NME7: variants seen among roughly 807,000 people sequenced by gnomAD.
NME7 encodes NME/NM23 family member 7.
Under a neutral mutation model 49.1 loss-of-function variants are expected in NME7, and 41 were observed. That is an observed-to-expected ratio of 0.83 (90% CI 0.65 to 1.08). NME7 has a LOEUF of 1.08. NME7 is among the 50% of genes least tolerant of loss of function. The pLI is 0.00. For synonymous variants in NME7, 139 were observed against 150.6 expected (o/e 0.92, Z 0.56); for missense variants, 423 against 463.4 (o/e 0.91, Z 0.80).
chr1:169,227,953 T>C (rs544601399), intron 10 of NME7, among the ~76,000 whole-genome samples: 1 of 152,076 alleles, frequency 6.6e-6, no homozygotes, highest in Non-Finnish European at 1.5e-5. Flanking sequence ...GGCTAAGATC[T>C]TTGAGGCTTA....
intron 1 of NME7, 101 bp downstream of exon 1, chr1:169,367,607 C>T (rs2101998807): frequency 7.5e-7 from 1 of 1,327,842 alleles, no homozygotes; most frequent in East Asian, 2.3e-5. Flanking sequence ...GGGAGAAGGT[C>T]GGGAGGACCG....
At chr1:169,341,916 T>TG (rs1460640175) in intron 1 of NME7, among the ~76,000 whole-genome samples, 1 of 152,196 alleles carries the variant, frequency 6.6e-6, no homozygotes, top group Non-Finnish European at 1.5e-5. Context: ...CTAACTAACT[T>TG]GCTTTTGATT....
At chr1:169,146,035 A>G (rs1658738033) in intron 11 of NME7, among the ~76,000 whole-genome samples, 1 of 152,208 alleles carries the variant, frequency 6.6e-6, no homozygotes, top group Admixed American at 6.5e-5. Context: ...CTGTAACCAT[A>G]ATAGTGAAGA....
intron 1 of NME7, among the ~76,000 whole-genome samples, chr1:169,336,635 G>A (rs1473477979): frequency 1.3e-5 from 2 of 151,164 alleles, no homozygotes; most frequent in African/African-American, 4.9e-5. Flanking sequence ...TACAAACCTT[G>A]AGCTAGATAC....
At chr1:169,321,379 T>C (rs1295985828) in intron 3 of NME7, among the ~76,000 whole-genome samples, 3 of 152,136 alleles carry the variant, frequency 2.0e-5, no homozygotes, top group Non-Finnish European at 4.4e-5. Context: ...AATAATTAAA[T>C]AAAATAAAGT....
chr1:169,169,396 A>G lies in NME7; in HGVS notation c.1098+51T>C, dbSNP rs757525352. ...TTTCTTACACATCAGAACTCCTGAG[A>G]TAATTTATGAGCTTGAAATATAAAT... On this transcript the variant is annotated intron_variant, in intron 11 of 11. Coordinates refer to ENST00000367811, the MANE Select transcript of NME7 (RefSeq NM_013330.5). 2.7e-6 allele frequency: 4 copies of G among 1,501,268 alleles called. No individual in the cohort carries two copies. The South Asian group carries it at 3.5e-5, about 13-fold the overall frequency. The allele number at this position is 1,501,268 out of a possible 1,614,324, so 93.0% of individuals were successfully genotyped here.
chr1:169,281,896 G>T (rs894372279), intron 7 of NME7, among the ~76,000 whole-genome samples: 1 of 152,154 alleles, frequency 6.6e-6, no homozygotes, highest in African/African-American at 2.4e-5. Flanking sequence ...CAGGGATATT[G>T]GCCTGAAATT....
intron 7 of NME7, among the ~76,000 whole-genome samples, chr1:169,251,921 T>C (rs1241573179): frequency 2.7e-5 from 4 of 150,448 alleles, no homozygotes; most frequent in Non-Finnish European, 6.0e-5. Flanking sequence ...TAGTATTCCA[T>C]GGTGTATATG....
Position 169,158,617 on chromosome 1 carries a change from A to C in NME7, c.1098+10830T>G, listed in dbSNP as rs1659151914. ...CTCTAGGCTTACATAGTTAAAAAAAACTCTATAGGTGATTTTAATGCATGC... is the reference window on the plus strand; with the variant it reads ...CTCTAGGCTTACATAGTTAAAAAAACCTCTATAGGTGATTTTAATGCATGC... On this transcript the variant is annotated intron_variant, in intron 11 of 11. Transcript: ENST00000367811. Among the ~76,000 whole-genome samples, 3 of 151,950 alleles carry C rather than the reference A, an allele frequency of 2.0e-5. No individual in the cohort carries two copies. In the South Asian group the frequency reaches 6.3e-4, roughly 32 times the overall value.
At chr1:169,232,158 T>C (rs1246569305) in intron 9 of NME7, among the ~76,000 whole-genome samples, 1 of 152,100 alleles carries the variant, frequency 6.6e-6, no homozygotes, top group African/African-American at 2.4e-5. Context: ...CGTCTAGAGA[T>C]ATAATCTAAG....
chr1:169,294,122 C>T (rs1650619369), intron 6 of NME7, among the ~76,000 whole-genome samples: 1 of 152,098 alleles, frequency 6.6e-6, no homozygotes. Flanking sequence ...TCATTAAATA[C>T]TATGTTCTAG....
intron 1 of NME7, among the ~76,000 whole-genome samples, chr1:169,358,125 C>G (rs190239042): frequency 1.3e-5 from 2 of 152,076 alleles, no homozygotes; most frequent in East Asian, 3.9e-4. Flanking sequence ...AATTGCATAA[C>G]ACCATTAACC....
In NME7 at chr1:169,287,368, G is replaced by A. The variant is rs759709180; in HGVS notation, c.689C>T (p.Pro230Leu). The part of the protein sequence containing the change: ...LFFPSSGGCG[P>L]ANTAKFTNCT... Reference sequence around the variant, plus strand: ...ATTAGTAAATTTAGCAGTGTTTGCCGGCCCACAACCTCCACTTGAAGGAAA... The same window carrying A: ...ATTAGTAAATTTAGCAGTGTTTGCCAGCCCACAACCTCCACTTGAAGGAAA... Residue 230 changes from proline (P) to leucine (L), a missense_variant, in exon 7 of 12, where the codon CCG becomes CTG. Physicochemically the swap from Pro to Leu is moderately conservative, Grantham distance 98. Transcript: ENST00000367811. The A allele has an allele frequency of 1.1e-4, 181 of 1,605,604 alleles. No homozygotes were observed. Among genetic ancestry groups the A allele is most frequent in the Non-Finnish European group, 1.4e-4 (161 of 1,176,726 alleles).
At chr1:169,309,403 A>G (rs1651297953) in intron 4 of NME7, among the ~76,000 whole-genome samples, 1 of 152,182 alleles carries the variant, frequency 6.6e-6, no homozygotes, top group Non-Finnish European at 1.5e-5. Context: ...GGGCTTCATT[A>G]TAATCTCATT....
At chr1:169,237,719 C>G (rs1369905666) in intron 7 of NME7, 32 bp from the exon 8 acceptor site, 2 of 1,564,102 alleles carry the variant, frequency 1.3e-6, no homozygotes, top group Admixed American at 1.8e-5. Flanking sequence ...TGAAAAAATA[C>G]AAAATTTTAA....
rs1210650287 is a variant in NME7 at position 169,271,205 on chromosome 1, AGGTCT to A, written c.754+16093_754+16097del. On this transcript the variant is annotated intron_variant, in intron 7 of 11. Transcript: ENST00000367811. ...CACTGCATCCACATAGATTAACTAT[AGGTCT>A]ATGAACTAAGGCCGCCTACATACAC... Among the ~76,000 whole-genome samples, 3 of 133,670 alleles carry A rather than the reference AGGTCT, an allele frequency of 2.2e-5. 1 individual carries two copies. Among genetic ancestry groups the A allele is most frequent in the Non-Finnish European group, 5.3e-5 (3 of 56,958 alleles). The allele number at this position is 133,670 out of a possible 152,430, so 87.7% of individuals were successfully genotyped here.
intron 10 of NME7, among the ~76,000 whole-genome samples, chr1:169,198,434 T>C (rs976673243): frequency 9.9e-5 from 15 of 152,230 alleles, no homozygotes; most frequent in African/African-American, 3.6e-4. Context: ...TCAGTCATAA[T>C]AGCCAAAAGA....
chr1:169,176,908 G>C (rs538163285), intron 10 of NME7, among the ~76,000 whole-genome samples: 1 of 152,078 alleles, frequency 6.6e-6, no homozygotes, highest in Non-Finnish European at 1.5e-5. Flanking sequence ...AGAGGATTGG[G>C]TTTTTTGGTA....
intron 4 of NME7, among the ~76,000 whole-genome samples, chr1:169,306,934 G>C (rs1455025754): frequency 1.3e-5 from 2 of 152,168 alleles, no homozygotes; most frequent in Non-Finnish European, 2.9e-5. Context: ...AAATAGAGCA[G>C]AGCCCTGGAT....
Sources: allele counts gnomAD v4.1 joint callset (sites outside exome capture counted in the v4.1 genomes callset), GRCh38; gene constraint gnomAD v4.1.1; transcripts MANE v1.5; gene names NCBI Gene and HGNC (gene_info 2026-07-23, HGNC 2026-07-21).